Variants in C7orf78 observed in about 807,000 individuals in gnomAD.
C7orf78 encodes the protein chromosome 7 open reading frame 78.
At chr7:12,523,050 G>A in the C7orf78 span, 1 of 398,112 alleles carries the variant, frequency 2.5e-6, no homozygotes, top group African/African-American at 2.1e-5. Flanking sequence ...ATTGCAAAGA[G>A]GCTGCAATAT....
the C7orf78 span, among the ~76,000 whole-genome samples, chr7:12,494,885 T>C: frequency 6.6e-6 from 1 of 152,150 alleles, no homozygotes; most frequent in Non-Finnish European, 1.5e-5. Context: ...AAAAGAGGAA[T>C]GCAACTTCAC....
At chr7:12,528,237 G>C in the C7orf78 span, among the ~76,000 whole-genome samples, 5 of 147,732 alleles carry the variant, frequency 3.4e-5, no homozygotes, top group East Asian at 2.0e-4. Context: ...CACTCACTTT[G>C]GTAGAAAATG....
chr7:12,542,057 G>T, the C7orf78 span: 1 of 152,148 alleles, frequency 6.6e-6, no homozygotes, highest in Non-Finnish European at 1.5e-5. Flanking sequence ...AAGATTTGAT[G>T]ATTATAATTG....
chr7:12,496,718 T>C, the C7orf78 span: 1 of 152,254 alleles, frequency 6.6e-6, no homozygotes, highest in Admixed American at 6.5e-5. Flanking sequence ...CCTAAACAAC[T>C]AATAACAGTG....
the C7orf78 span, among the ~76,000 whole-genome samples, chr7:12,486,222 T>C: frequency 6.6e-6 from 1 of 151,984 alleles, no homozygotes; most frequent in Non-Finnish European, 1.5e-5. Context: ...TAAATAGGAA[T>C]AGTTATGGTG....
chr7:12,539,561 A>G, the C7orf78 span, among the ~76,000 whole-genome samples: 1 of 152,156 alleles, frequency 6.6e-6, no homozygotes, highest in African/African-American at 2.4e-5. Context: ...TGGCCTATTT[A>G]CCTTTTAAAA....
chr7:12,505,051 TAAC>T, the C7orf78 span, among the ~76,000 whole-genome samples: 1 of 152,048 alleles, frequency 6.6e-6, no homozygotes, highest in Non-Finnish European at 1.5e-5. Flanking sequence ...TAAAAGCAGA[TAAC>T]AAAAATATTT....
chr7:12,507,889 AT>A, the C7orf78 span, among the ~76,000 whole-genome samples: 3,863 of 152,308 alleles, frequency 0.025, 78 homozygotes, highest in Non-Finnish European at 0.034. Flanking sequence ...GTTTATACAA[AT>A]CTTTAATTTA....
At chr7:12,533,408 C>G in the C7orf78 span, among the ~76,000 whole-genome samples, 201 of 151,966 alleles carry the variant, frequency 1.3e-3, no homozygotes, top group Non-Finnish European at 2.2e-3. Context: ...GCCATGTTGG[C>G]CAGGCTGGTC....
chr7:12,534,977 G>GGAAGGAA, the C7orf78 span, among the ~76,000 whole-genome samples: 1 of 130,372 alleles, frequency 7.7e-6, no homozygotes. Flanking sequence ...GAAGGAAGGA[G>GGAAGGAA]GGAAGGAAGG....
the C7orf78 span, among the ~76,000 whole-genome samples, chr7:12,512,183 T>A: frequency 3.3e-5 from 5 of 152,126 alleles, no homozygotes; most frequent in Non-Finnish European, 4.4e-5. Flanking sequence ...AGATGTGCTT[T>A]ATTTCTTTGT....
chr7:12,483,902 A>G, the C7orf78 span: 1 of 151,570 alleles, frequency 6.6e-6, no homozygotes, highest in African/African-American at 2.4e-5. Flanking sequence ...AAAAGAAAGA[A>G]AGAAATCTCC....
At chr7:12,531,012 G>A in the C7orf78 span, 1 of 398,400 alleles carries the variant, frequency 2.5e-6, no homozygotes, top group Non-Finnish European at 4.4e-6. Context: ...TCTTCCTTCA[G>A]AGACATAGAA....
the C7orf78 span, chr7:12,522,839 A>C: frequency 0.49 from 194,222 of 395,006 alleles, 48,139 homozygotes; most frequent in Admixed American, 0.58. Flanking sequence ...TCTCCTCCAT[A>C]CATATTCCCT....
chr7:12,539,790 A>T, the C7orf78 span, among the ~76,000 whole-genome samples: 2 of 152,188 alleles, frequency 1.3e-5, no homozygotes, highest in Non-Finnish European at 2.9e-5. Context: ...TTTATATAAC[A>T]TTCTTCTGTA....
At chr7:12,531,683 C>T in the C7orf78 span, among the ~76,000 whole-genome samples, 1 of 151,994 alleles carries the variant, frequency 6.6e-6, no homozygotes, top group Non-Finnish European at 1.5e-5. Context: ...TGTAGAATGT[C>T]AGTAATAATA....
chr7:12,495,268 G>A, the C7orf78 span, among the ~76,000 whole-genome samples: 1 of 152,162 alleles, frequency 6.6e-6, no homozygotes, highest in Non-Finnish European at 1.5e-5. Context: ...TGTGTGACAT[G>A]TCAGATGGTG....
At chr7:12,502,338 C>T in the C7orf78 span, among the ~76,000 whole-genome samples, 5 of 143,184 alleles carry the variant, frequency 3.5e-5, no homozygotes, top group African/African-American at 1.3e-4. Flanking sequence ...ACTCATCTGA[C>T]AAAGGGCTAA....
the C7orf78 span, among the ~76,000 whole-genome samples, chr7:12,492,466 G>A: frequency 6.6e-6 from 1 of 152,306 alleles, no homozygotes; most frequent in South Asian, 2.1e-4. Flanking sequence ...TCATAGCAAT[G>A]TCCCCAGCAA....
Sources: gnomAD v4.1 joint callset for allele counts (sites outside exome capture counted in the v4.1 genomes callset) on GRCh38, gnomAD v4.1.1 for gene constraint, MANE v1.5 for transcripts, NCBI Gene and HGNC (gene_info 2026-07-23, HGNC 2026-07-21) for gene names.